Variants in FEZ2 observed in about 807,000 individuals in gnomAD.
The protein encoded by FEZ2 is fasciculation and elongation protein zeta 2, also known as fasciculation and elongation protein zeta-2.
A neutral mutation model predicts 40.4 loss-of-function variants in FEZ2; 51 were observed. That is an observed-to-expected ratio of 1.26 (90% CI 1.01 to 1.59). FEZ2 has a LOEUF of 1.59. FEZ2 is among the 40% of genes most tolerant of loss of function. The pLI is 0.00. For synonymous variants in FEZ2, 242 were observed against 172.0 expected, an observed-to-expected ratio of 1.41 and a Z score of -3.18; for missense variants, 640 against 438.3, an observed-to-expected ratio of 1.46 and a Z score of -4.11.
At chr2:36,562,466 A>T (rs1242358208) in intron 5 of FEZ2, among the ~76,000 whole-genome samples, 1 of 152,208 alleles carries the variant, frequency 6.6e-6, no homozygotes, top group Non-Finnish European at 1.5e-5. Flanking sequence ...TTACTACCTT[A>T]CAGGAGACTG....
Position 36,552,668 on chromosome 2 carries a change from C to A in FEZ2, c.*495G>T, listed in dbSNP as rs1330220828. 2.5e-5 allele frequency: 5 copies of A among 198,004 alleles called. No homozygotes were observed. Among genetic ancestry groups the A allele is most frequent in the Admixed American group, 1.1e-4 (2 of 18,564 alleles). 12.3% of individuals were successfully genotyped at this position (198,004 alleles called of 1,614,324 possible). A position where few individuals can be genotyped will look rare whatever the true frequency, so the allele number is the denominator to read the frequency against. On this transcript the variant is annotated 3_prime_UTR_variant, in exon 8 of 8. Transcript: ENST00000405912. ...AGTAATGCATATTCTGGTTTTGCTT[C>A]TTCAAGAACAGCCCGTTTATTCTGT...
intron 5 of FEZ2, among the ~76,000 whole-genome samples, chr2:36,574,429 G>A (rs1368576474): frequency 6.6e-6 from 1 of 152,024 alleles, no homozygotes; most frequent in Non-Finnish European, 1.5e-5. Context: ...TACCGAGAAA[G>A]TAAAGTTAAA....
rs1466924984 is a variant in FEZ2, at chr2:36,598,152, G to A, written c.-10C>T. ...CCCCGTCCGCCGCCATCGCCGCCCG[G>A]AGCAGTCGCGCGCCCCGCCCAGGCC... On this transcript the variant is annotated 5_prime_UTR_variant, in exon 1 of 8. Transcript: ENST00000405912. 2 of 1,455,030 alleles carry A rather than the reference G, an allele frequency of 1.4e-6. No homozygotes were observed. The highest frequency in any genetic ancestry group is 2.5e-5 in the Admixed American group (1 of 40,478). The allele number at this position is 1,455,030 out of a possible 1,614,324, so 90.1% of individuals were successfully genotyped here.
chr2:36,577,003 T>G (rs900569688), intron 5 of FEZ2, among the ~76,000 whole-genome samples: 4 of 152,232 alleles, frequency 2.6e-5, no homozygotes, highest in Non-Finnish European at 5.9e-5. Context: ...GCATTTTATT[T>G]AATCTCACTT....
chr2:36,578,445 G>C lies in FEZ2; in HGVS notation c.903+152C>G, dbSNP rs866540240. Among the ~76,000 whole-genome samples the C allele has an allele frequency of 5.9e-5, 9 of 152,206 alleles. No homozygotes were observed. The South Asian group carries it at 1.9e-3, about 31-fold the overall frequency. On this transcript the variant is annotated intron_variant, in intron 5 of 7. Transcript: ENST00000405912. Reference sequence around the variant, plus strand: ...CTTTCTGAAGAAGCTGAGCACAGCGGTATTCTGGAATAAAATCCCACTGGG... The same window carrying C: ...CTTTCTGAAGAAGCTGAGCACAGCGCTATTCTGGAATAAAATCCCACTGGG...
At chr2:36,577,023 G>A (rs559971727) in intron 5 of FEZ2, among the ~76,000 whole-genome samples, 2 of 152,058 alleles carry the variant, frequency 1.3e-5, no homozygotes, top group Non-Finnish European at 2.9e-5. Context: ...TGCATAACAG[G>A]GCAATTTAAA....
intron 1 of FEZ2, among the ~76,000 whole-genome samples, chr2:36,593,052 T>C (rs1188049940): frequency 6.6e-6 from 1 of 152,198 alleles, no homozygotes. Context: ...GGTTTCTGGC[T>C]CATACCTTCC....
At chr2:36,567,835 A>C (rs1442169781) in intron 5 of FEZ2, among the ~76,000 whole-genome samples, 1 of 152,102 alleles carries the variant, frequency 6.6e-6, no homozygotes, top group Non-Finnish European at 1.5e-5. Context: ...TCAGTGAACT[A>C]GAAGGATAAA....
intron 2 of FEZ2, among the ~76,000 whole-genome samples, chr2:36,584,839 C>A (rs1668856885): frequency 6.6e-6 from 1 of 152,144 alleles, no homozygotes; most frequent in African/African-American, 2.4e-5. Flanking sequence ...GAGTAAGAAA[C>A]CTGCACGTGA....
intron 2 of FEZ2, 62 bp downstream of exon 2, chr2:36,590,841 C>T: frequency 2.1e-6 from 2 of 949,964 alleles, no homozygotes; most frequent in Non-Finnish European, 3.4e-6. Context: ...AGAAATGCTA[C>T]TGTTTTAGTT....
intron 2 of FEZ2, among the ~76,000 whole-genome samples, chr2:36,588,028 GT>G (rs879658546): frequency 3.3e-4 from 49 of 147,244 alleles, no homozygotes; most frequent in Admixed American, 6.8e-4. Context: ...AGGTAAGGCT[GT>G]TTTTTTTTTT....
At chr2:36,580,048 G>A (rs1668687759) in intron 4 of FEZ2, among the ~76,000 whole-genome samples, 1 of 152,120 alleles carries the variant, frequency 6.6e-6, no homozygotes, top group Non-Finnish European at 1.5e-5. Context: ...AAGGAGAGAG[G>A]CCTCTGAAAA....
chr2:36,597,572 G>C (rs914854641), intron 1 of FEZ2, among the ~76,000 whole-genome samples: 2 of 123,016 alleles, frequency 1.6e-5, no homozygotes, highest in Admixed American at 1.7e-4. Context: ...GCCCCAGGAG[G>C]TGCCGTCTCT....
intron 6 of FEZ2, chr2:36,557,702 T>TA (rs1667991236): frequency 1.3e-5 from 2 of 152,216 alleles, no homozygotes; most frequent in South Asian, 4.1e-4. Flanking sequence ...AAATATTTTT[T>TA]ATCCTAGTTT....
At chr2:36,559,634 T>C (rs891148411) in intron 5 of FEZ2, among the ~76,000 whole-genome samples, 6 of 152,218 alleles carry the variant, frequency 3.9e-5, no homozygotes, top group Non-Finnish European at 5.9e-5. Context: ...GAATGTTTCT[T>C]TGTAAAGAAC....
At chr2:36,570,829 ACTC>A (rs1413313974) in intron 5 of FEZ2, among the ~76,000 whole-genome samples, 1 of 152,196 alleles carries the variant, frequency 6.6e-6, no homozygotes, top group African/African-American at 2.4e-5. Flanking sequence ...TATAATCCTG[ACTC>A]CATCATCTAT....
chr2:36,561,715 G>A (rs1417148000), intron 5 of FEZ2, among the ~76,000 whole-genome samples: 2 of 152,016 alleles, frequency 1.3e-5, no homozygotes, highest in East Asian at 3.8e-4. Context: ...ACTAATTAAG[G>A]GGAAAGGCTT....
intron 1 of FEZ2, 168 bp from the exon 2 acceptor site, chr2:36,591,179 C>T (rs546108388): frequency 2.8e-5 from 16 of 567,856 alleles, no homozygotes; most frequent in South Asian, 9.5e-5. Context: ...TAAACAAAAA[C>T]GAGGTGAAAA....
intron 5 of FEZ2, among the ~76,000 whole-genome samples, chr2:36,561,809 T>C (rs1226710016): frequency 1.3e-5 from 2 of 152,162 alleles, no homozygotes; most frequent in Non-Finnish European, 2.9e-5. Context: ...AGTAAACACA[T>C]TTGAGGAGTC....
Sources: allele counts gnomAD v4.1 joint callset (sites outside exome capture counted in the v4.1 genomes callset), GRCh38; gene constraint gnomAD v4.1.1; transcripts MANE v1.5; gene names NCBI Gene and HGNC (gene_info 2026-07-23, HGNC 2026-07-21).